PIGK: variants seen among roughly 807,000 people sequenced by gnomAD.
PIGK encodes the protein phosphatidylinositol glycan anchor biosynthesis class K.
Under a neutral mutation model 50.6 loss-of-function variants are expected in PIGK, and 42 were observed. The ratio of observed to expected loss-of-function variants is 0.83; its 90% CI spans 0.65 to 1.07. The LOEUF is 1.07. Among genes scored for constraint, PIGK ranks in the 50% least tolerant of loss-of-function variants. The probability of loss-of-function intolerance (pLI) is 0.00; values close to 1 mark genes in which losing one functional copy is unlikely to be tolerated. For missense variants in PIGK, 448 were observed against 488.7 expected (o/e 0.92, Z 0.78); for synonymous variants, 151 against 156.0 (o/e 0.97, Z 0.24).
At chr1:77,155,168 T>A (rs970221663) in intron 8 of PIGK, among the ~76,000 whole-genome samples, 1 of 152,208 alleles carries the variant, frequency 6.6e-6, no homozygotes, top group African/African-American at 2.4e-5. Flanking sequence ...GTTGTACTCC[T>A]ATGTAGCATT....
At chr1:77,187,295 G>A (rs1245248144) in intron 3 of PIGK, among the ~76,000 whole-genome samples, 2 of 152,098 alleles carry the variant, frequency 1.3e-5, no homozygotes, top group Non-Finnish European at 2.9e-5. Flanking sequence ...TTCTCCCATA[G>A]CCAGGATTCA....
At chr1:77,189,518 A>G (rs895036622) in intron 3 of PIGK, among the ~76,000 whole-genome samples, 2 of 151,872 alleles carry the variant, frequency 1.3e-5, no homozygotes, top group African/African-American at 4.8e-5. Context: ...GAAAAACATG[A>G]AAGACTAGAC....
At chr1:77,213,736 A>T (rs1656479277) in intron 1 of PIGK, among the ~76,000 whole-genome samples, 1 of 152,120 alleles carries the variant, frequency 6.6e-6, no homozygotes, top group Non-Finnish European at 1.5e-5. Context: ...AATACAAAAA[A>T]AGTCAATGAA....
At chr1:77,161,848 AC>A in intron 6 of PIGK, 137 bp from the exon 7 acceptor site, 4 of 633,058 alleles carry the variant, frequency 6.3e-6, no homozygotes, top group South Asian at 6.0e-5. Context: ...AGAATTCCCA[AC>A]AGAAATTTGA....
At chr1:77,119,871 C>T (rs1289889980) in intron 10 of PIGK, among the ~76,000 whole-genome samples, 1 of 59,584 alleles carries the variant, frequency 1.7e-5, no homozygotes, top group African/African-American at 2.1e-4. Flanking sequence ...ATTAAAAATA[C>T]GTTATCTATC....
rs540440585 is a variant in PIGK, at chr1:77,159,741, C to G, written c.813+1554G>C. The stretch of plus-strand genomic sequence containing the variant: ...AGTGCCTTCGTTTTGGCCAATTTCT[C>G]CCAAGTGGAACAGGTGTATTTACCC... On this transcript the variant is annotated intron_variant, in intron 8 of 10. Coordinates refer to ENST00000370812, the MANE Select transcript of PIGK (RefSeq NM_005482.3). Among the ~76,000 whole-genome samples, 5 of 152,284 alleles carry G rather than the reference C, an allele frequency of 3.3e-5. No homozygotes were observed. In the East Asian group the frequency reaches 7.7e-4, roughly 24 times the overall value.
At chr1:77,192,520 A>G (rs1029388496) in intron 3 of PIGK, among the ~76,000 whole-genome samples, 3 of 152,186 alleles carry the variant, frequency 2.0e-5, no homozygotes, top group African/African-American at 7.2e-5. Context: ...TTACAGAATT[A>G]GCCAGCAAAC....
At chr1:77,172,910 C>A (rs570907859) in intron 3 of PIGK, among the ~76,000 whole-genome samples, 8 of 151,966 alleles carry the variant, frequency 5.3e-5, no homozygotes, top group Non-Finnish European at 7.4e-5. Flanking sequence ...GGCGACAGAG[C>A]GAGACTCCGC....
chr1:77,098,929 T>A (rs1266099894), intron 10 of PIGK, among the ~76,000 whole-genome samples: 1 of 152,174 alleles, frequency 6.6e-6, no homozygotes, highest in Non-Finnish European at 1.5e-5. Context: ...CCAGTAAATG[T>A]TAATAAGGAC....
rs771256285 is a variant in PIGK at position 77,163,507 on chromosome 1, A to G, written c.584+339T>C. ...CTATAACATTAGGGGCCAAAGAATG[A>G]GCTAGAAAGAATAGGTACAAGTTGA... is the stretch of plus-strand genomic sequence containing the variant. On this transcript the variant is annotated intron_variant, in intron 6 of 10. Transcript: ENST00000370812. Among the ~76,000 whole-genome samples the G allele has an allele frequency of 6.6e-5, 10 of 152,272 alleles. No individual in the cohort carries two copies. The South Asian group carries it at 1.2e-3, about 19-fold the overall frequency.
At chr1:77,107,776 T>C (rs912643752) in intron 10 of PIGK, among the ~76,000 whole-genome samples, 2 of 152,348 alleles carry the variant, frequency 1.3e-5, no homozygotes, top group East Asian at 3.9e-4. Flanking sequence ...GGTGCTCCTG[T>C]ATTGGGTGCA....
intron 8 of PIGK, among the ~76,000 whole-genome samples, chr1:77,156,763 T>C (rs191933473): frequency 2.0e-5 from 3 of 152,298 alleles, no homozygotes; most frequent in Non-Finnish European, 4.4e-5. Flanking sequence ...AAAGGAACCA[T>C]ATAAATTGCA....
intron 10 of PIGK, among the ~76,000 whole-genome samples, chr1:77,119,072 C>T (rs1654039831): frequency 6.6e-6 from 1 of 152,218 alleles, no homozygotes; most frequent in Admixed American, 6.5e-5. Flanking sequence ...TATCTGATTA[C>T]AGCTGCGTTA....
chr1:77,127,770 T>A (rs1023286214), intron 9 of PIGK, among the ~76,000 whole-genome samples: 1 of 152,148 alleles, frequency 6.6e-6, no homozygotes, highest in Non-Finnish European at 1.5e-5. Context: ...AGCCCAATAG[T>A]TAGTATAACC....
rs1435833791 is a variant in PIGK at position 77,133,475 on chromosome 1, T to C, written c.987-11116A>G. Among the ~76,000 whole-genome samples the C allele has an allele frequency of 2.0e-5, 3 of 152,210 alleles. No individual in the cohort carries two copies. The East Asian group carries it at 5.8e-4, about 29-fold the overall frequency. On this transcript the variant is annotated intron_variant, in intron 9 of 10. Transcript: ENST00000370812. The stretch of plus-strand genomic sequence containing the variant: ...CTACCTCCAAGTTCTGGATCACTTC[T>C]GAGTTTGCTTCTATATTCTGTGTTT...
In PIGK at chr1:77,091,363, A is replaced by G. The variant is rs1557788568; in HGVS notation, c.*1011T>C. On this transcript the variant is annotated 3_prime_UTR_variant, in exon 11 of 11. Transcript: ENST00000370812. Reference sequence around the variant, plus strand: ...GCCTTATAGGATACATCAGCCAGACATGAAGGCTAGGCCATAAGCATACAT... The same window carrying G: ...GCCTTATAGGATACATCAGCCAGACGTGAAGGCTAGGCCATAAGCATACAT... The G allele has an allele frequency of 6.6e-6, 1 of 152,230 alleles. No homozygotes were observed. Among genetic ancestry groups the G allele is most frequent in the Non-Finnish European group, 1.5e-5 (1 of 68,036 alleles). The allele number at this position is 152,230 out of a possible 1,614,324, so 9.4% of individuals were successfully genotyped here.
chr1:77,152,824 C>T (rs1654922791), intron 9 of PIGK, among the ~76,000 whole-genome samples: 1 of 151,702 alleles, frequency 6.6e-6, no homozygotes, highest in Non-Finnish European at 1.5e-5. Flanking sequence ...TACAAGATAT[C>T]ATCTCATCTC....
intron 3 of PIGK, among the ~76,000 whole-genome samples, chr1:77,182,414 G>C (rs995885595): frequency 6.6e-6 from 1 of 152,014 alleles, no homozygotes; most frequent in Non-Finnish European, 1.5e-5. Flanking sequence ...TTAAGGGTGG[G>C]TCTGCCTTTC....
chr1:77,092,564 G>A (rs1022858842), intron 10 of PIGK, 74 bp from the exon 11 acceptor site: 3 of 829,554 alleles, frequency 3.6e-6, no homozygotes, highest in South Asian at 1.5e-5. Context: ...AAACATTGAT[G>A]AAAAAGATAA....
Sources: gnomAD v4.1 joint callset for allele counts (sites outside exome capture counted in the v4.1 genomes callset) on GRCh38, gnomAD v4.1.1 for gene constraint, MANE v1.5 for transcripts, NCBI Gene and HGNC (gene_info 2026-07-23, HGNC 2026-07-21) for gene names.